NETO1: variants seen among roughly 807,000 people sequenced by gnomAD.
NETO1 encodes neuropilin and tolloid-like protein 1.
Under a neutral mutation model 61.3 loss-of-function variants are expected in NETO1, and 26 were observed. The ratio of observed to expected loss-of-function variants is 0.42; its 90% CI spans 0.31 to 0.59. NETO1 has a LOEUF of 0.59. Ranked by LOEUF, NETO1 falls within the 20% of genes least tolerant of loss-of-function variation. The pLI is 0.12. For missense variants in NETO1, 531 were observed against 662.8 expected (o/e 0.80, Z 2.18); for synonymous variants, 225 against 225.8 (o/e 1.00, Z 0.03).
chr18:72,788,309 A>G (rs1048038360), intron 6 of NETO1, among the ~76,000 whole-genome samples: 9 of 152,148 alleles, frequency 5.9e-5, no homozygotes, highest in African/African-American at 1.9e-4. Context: ...GATGGCAATG[A>G]TTTTTTATCA....
At chr18:72,754,843 A>G (rs763341375) in intron 8 of NETO1, among the ~76,000 whole-genome samples, 1 of 152,204 alleles carries the variant, frequency 6.6e-6, no homozygotes, top group Non-Finnish European at 1.5e-5. Flanking sequence ...TATGCCTAGC[A>G]GACATAACAG....
chr18:72,787,498 G>GT (rs1346599870), intron 6 of NETO1, among the ~76,000 whole-genome samples: 2 of 152,082 alleles, frequency 1.3e-5, no homozygotes, highest in African/African-American at 4.8e-5. Context: ...GTGGCTCAAG[G>GT]TGTTTCAACA....
At chr18:72,823,971 G>T (rs1279409548) in intron 4 of NETO1, among the ~76,000 whole-genome samples, 3 of 152,194 alleles carry the variant, frequency 2.0e-5, no homozygotes, top group South Asian at 4.1e-4. Context: ...CACTGGAGGG[G>T]CTTGTAAAGA....
rs897299013 is a variant in NETO1 at position 72,747,676 on chromosome 18, A to G, written c.*503T>C. 6.6e-6 allele frequency: 1 copy of G among 152,110 alleles called. No homozygotes were observed. The highest frequency in any genetic ancestry group is 1.5e-5 in the Non-Finnish European group (1 of 67,978). The allele number at this position is 152,110 out of a possible 1,614,324, so 9.4% of individuals were successfully genotyped here. A position where few individuals can be genotyped will look rare whatever the true frequency, so the allele number is the denominator to read the frequency against. The stretch of plus-strand genomic sequence containing the variant: ...TCCATAACCTCTAGCTGGTGATTCC[A>G]TGGTCCACACTGTCACTTTTCACTG... On this transcript the variant is annotated 3_prime_UTR_variant, in exon 11 of 11. Transcript: ENST00000327305.
At chr18:72,849,015 A>T (rs942522555) in intron 4 of NETO1, among the ~76,000 whole-genome samples, 1 of 152,128 alleles carries the variant, frequency 6.6e-6, no homozygotes, top group African/African-American at 2.4e-5. Context: ...GAGATGACTG[A>T]CTGAAGAGCT....
chr18:72,817,562 T>C (rs754771351), intron 4 of NETO1, among the ~76,000 whole-genome samples: 2 of 152,230 alleles, frequency 1.3e-5, no homozygotes, highest in African/African-American at 4.8e-5. Context: ...ATTGCTGATA[T>C]TCAAAAACCT....
intron 4 of NETO1, among the ~76,000 whole-genome samples, chr18:72,852,113 T>C (rs2074268449): frequency 6.6e-6 from 1 of 152,238 alleles, no homozygotes; most frequent in South Asian, 2.1e-4. Context: ...GTCCGGCGAT[T>C]AGCCGATAAA....
At chr18:72,831,168 G>A (rs747558041) in intron 4 of NETO1, among the ~76,000 whole-genome samples, 33 of 152,040 alleles carry the variant, frequency 2.2e-4, no homozygotes, top group Non-Finnish European at 3.5e-4. Flanking sequence ...CGTCCTTCTC[G>A]ATATTTCTTA....
Position 72,835,071 on chromosome 18 carries a change from C to A in NETO1, c.469+23755G>T, listed in dbSNP as rs531283125. ...GAAAGGAATCCTGGGGAAAATTGAA[C>A]CTTCATCTGGGTTTCAAGGTAGGAG... On this transcript the variant is annotated intron_variant, in intron 4 of 10. Transcript: ENST00000327305. 81 of 1,075,852 alleles carry A rather than the reference C, an allele frequency of 7.5e-5. No homozygotes were observed. In the South Asian group the frequency reaches 8.0e-4, roughly 11 times the overall value. 66.6% of individuals were successfully genotyped at this position (1,075,852 alleles called of 1,614,324 possible).
chr18:72,843,068 G>C (rs1250628802), intron 4 of NETO1, among the ~76,000 whole-genome samples: 1 of 152,100 alleles, frequency 6.6e-6, no homozygotes. Context: ...GGGAAATTTG[G>C]GAGGGGATGT....
At chr18:72,799,249 A>T (rs1430407155) in intron 4 of NETO1, among the ~76,000 whole-genome samples, 1 of 152,194 alleles carries the variant, frequency 6.6e-6, no homozygotes, top group Non-Finnish European at 1.5e-5. Context: ...GAAGATACTG[A>T]TGCACAATTG....
chr18:72,852,076 T>C (rs2074267211), intron 4 of NETO1, among the ~76,000 whole-genome samples: 1 of 152,204 alleles, frequency 6.6e-6, no homozygotes, highest in African/African-American at 2.4e-5. Flanking sequence ...TGTGTTCCAA[T>C]CTCAGATGTA....
chr18:72,750,671 G>A (rs751786645), intron 8 of NETO1, 51 bp from the exon 9 acceptor site: 15 of 1,328,484 alleles, frequency 1.1e-5, no homozygotes, highest in Middle Eastern at 1.9e-4. Flanking sequence ...AAGAAGCAAC[G>A]CAGCAAACAT....
At chr18:72,791,820 C>T (rs1225598552) in intron 6 of NETO1, among the ~76,000 whole-genome samples, 1 of 152,098 alleles carries the variant, frequency 6.6e-6, no homozygotes, top group African/African-American at 2.4e-5. Context: ...GAATCCACAC[C>T]TTACGAAAAC....
At chr18:72,850,718 T>G (rs1345815961) in intron 4 of NETO1, among the ~76,000 whole-genome samples, 1 of 152,168 alleles carries the variant, frequency 6.6e-6, no homozygotes, top group East Asian at 1.9e-4. Flanking sequence ...AGTGTAAGAA[T>G]TATTTATTTG....
At chr18:72,817,105 C>T (rs1460708945) in intron 4 of NETO1, among the ~76,000 whole-genome samples, 1 of 152,154 alleles carries the variant, frequency 6.6e-6, no homozygotes, top group Non-Finnish European at 1.5e-5. Flanking sequence ...GAGTTTATTC[C>T]TCTTCTCTTG....
intron 6 of NETO1, among the ~76,000 whole-genome samples, chr18:72,793,233 G>A (rs567115261): frequency 4.6e-5 from 7 of 152,206 alleles, no homozygotes; most frequent in African/African-American, 1.7e-4. Flanking sequence ...AATCTAGTAA[G>A]TCAATATTTT....
intron 7 of NETO1, among the ~76,000 whole-genome samples, chr18:72,772,766 T>TATAG (rs2071397368): frequency 7.1e-6 from 1 of 140,800 alleles, no homozygotes; most frequent in African/African-American, 2.6e-5. Flanking sequence ...TATCTATATA[T>TATAG]ATATATATAT....
intron 7 of NETO1, among the ~76,000 whole-genome samples, chr18:72,778,803 T>C (rs2071643042): frequency 6.6e-6 from 1 of 152,156 alleles, no homozygotes; most frequent in South Asian, 2.1e-4. Flanking sequence ...GCAACGTAAA[T>C]GTTTTCTAGC....
Sources: gnomAD v4.1 joint callset for allele counts (sites outside exome capture counted in the v4.1 genomes callset) on GRCh38, gnomAD v4.1.1 for gene constraint, MANE v1.5 for transcripts, NCBI Gene and HGNC (gene_info 2026-07-23, HGNC 2026-07-21) for gene names.